RIMKLB: variants seen among roughly 807,000 people sequenced by gnomAD.
RIMKLB encodes the protein beta-citrylglutamate synthase B.
RIMKLB carries 7 observed loss-of-function variants against 32.0 expected under a neutral mutation model. The ratio of observed to expected loss-of-function variants is 0.22; its 90% confidence interval spans 0.12 to 0.41. The LOEUF (loss-of-function observed/expected upper bound fraction) is 0.41. Among genes scored for constraint, RIMKLB ranks in the 10% least tolerant of loss-of-function variants. The pLI is 1.00. For missense variants in RIMKLB, 289 were observed against 498.7 expected (o/e 0.58, Z 4.00); for synonymous variants, 172 against 185.1 (o/e 0.93, Z 0.57).
chr12:8,752,132 A>G (rs779550152), intron 4 of RIMKLB, 89 bp downstream of exon 4: 2 of 827,778 alleles, frequency 2.4e-6, no homozygotes, highest in East Asian at 2.5e-5. Context: ...TTAGAGGGAA[A>G]TTGTTAGATG....
chr12:8,751,183 AAAG>A (rs1369683117), intron 3 of RIMKLB, among the ~76,000 whole-genome samples: 1 of 152,216 alleles, frequency 6.6e-6, no homozygotes, highest in Non-Finnish European at 1.5e-5. Flanking sequence ...ATGAGAATGG[AAAG>A]AAGGAAAAAA....
chr12:8,669,163 C>T, the RIMKLB span, among the ~76,000 whole-genome samples: 2 of 151,986 alleles, frequency 1.3e-5, no homozygotes, highest in African/African-American at 2.4e-5. Flanking sequence ...CAGGGTTCGT[C>T]CACTCATGGA....
chr12:8,689,033 G>A (rs763975187), intron 1 of RIMKLB, among the ~76,000 whole-genome samples: 2 of 152,050 alleles, frequency 1.3e-5, no homozygotes, highest in African/African-American at 4.8e-5. Flanking sequence ...ACAGGGTTTC[G>A]CCATGTTGGC....
At chr12:8,767,003 G>C (rs1950025945) in intron 5 of RIMKLB, among the ~76,000 whole-genome samples, 1 of 152,246 alleles carries the variant, frequency 6.6e-6, no homozygotes, top group Admixed American at 6.5e-5. Flanking sequence ...CCATCCATGG[G>C]TCACTGGGTG....
At chr12:8,749,783 A>G in intron 2 of RIMKLB, 79 bp from the exon 3 acceptor site, 1 of 902,588 alleles carries the variant, frequency 1.1e-6, no homozygotes, top group South Asian at 1.7e-5. Context: ...TTGTGATCCA[A>G]ACTTTGGCGT....
intron 2 of RIMKLB, among the ~76,000 whole-genome samples, chr12:8,729,890 G>T (rs1946384405): frequency 6.6e-6 from 1 of 152,090 alleles, no homozygotes; most frequent in Non-Finnish European, 1.5e-5. Context: ...CATCCTAATG[G>T]GTTATCCCAT....
intron 1 of RIMKLB, among the ~76,000 whole-genome samples, chr12:8,701,708 T>G (rs1165286012): frequency 6.6e-6 from 1 of 151,532 alleles, no homozygotes; most frequent in Non-Finnish European, 1.5e-5. Context: ...GATAGCTACA[T>G]TTAGATTTTA....
Position 8,776,368 on chromosome 12 carries a change from A to C in RIMKLB, c.*2584A>C, listed in dbSNP as rs763568486. On this transcript the variant is annotated 3_prime_UTR_variant, in exon 6 of 6. Transcript: ENST00000535829. Reference sequence around the variant, plus strand: ...AAGATTGAGGTAGAGAATAAGAGCAAATCATTCTGGAAGTACCTTAAGGAA... The same window carrying C: ...AAGATTGAGGTAGAGAATAAGAGCACATCATTCTGGAAGTACCTTAAGGAA... The C allele has an allele frequency of 5.6e-5, 55 of 983,536 alleles. No individual in the cohort carries two copies. Among genetic ancestry groups the C allele is most frequent in the Non-Finnish European group, 6.4e-5 (53 of 828,272 alleles). The allele number at this position is 983,536 out of a possible 1,614,324, so 60.9% of individuals were successfully genotyped here.
In RIMKLB at chr12:8,747,357, T is replaced by C. The variant is rs991693122; in HGVS notation, c.176-2505T>C. 1.1e-4 allele frequency among the ~76,000 whole-genome samples: 16 copies of C among 152,344 alleles called. No homozygotes were observed. In the South Asian group the frequency reaches 2.9e-3, roughly 28 times the overall value. ...GTTAACATTTTTGCCCCGTGATTTA[T>C]GCTCTGCCTTACATTTGAATTGTCC... On this transcript the variant is annotated intron_variant, in intron 2 of 5. Coordinates refer to ENST00000535829, the MANE Select transcript of RIMKLB (RefSeq NM_001297776.2).
intron 1 of RIMKLB, among the ~76,000 whole-genome samples, chr12:8,698,536 C>G (rs1475344804): frequency 6.6e-6 from 1 of 152,082 alleles, no homozygotes; most frequent in Non-Finnish European, 1.5e-5. Flanking sequence ...AGGCGCCGGC[C>G]CGTGGCGTGT....
At chr12:8,705,623 G>T (rs1185277584) in intron 1 of RIMKLB, among the ~76,000 whole-genome samples, 1 of 152,192 alleles carries the variant, frequency 6.6e-6, no homozygotes, top group Non-Finnish European at 1.5e-5. Context: ...AGGTATATCA[G>T]TCAGGGTTCT....
chr12:8,777,493 G>T (rs1950805852), downstream of RIMKLB: 2 of 1,125,234 alleles, frequency 1.8e-6, no homozygotes, highest in Non-Finnish European at 2.2e-6. Flanking sequence ...CTATATTAAT[G>T]AAAGTTTGGC....
intron 1 of RIMKLB, among the ~76,000 whole-genome samples, chr12:8,688,719 T>C (rs1035355317): frequency 6.6e-6 from 1 of 152,214 alleles, no homozygotes; most frequent in Admixed American, 6.5e-5. Context: ...TTGTTGTTGT[T>C]AAAGGAGGGC....
chr12:8,678,093 C>T (rs1942354727), upstream of RIMKLB, among the ~76,000 whole-genome samples: 1 of 151,108 alleles, frequency 6.6e-6, no homozygotes, highest in African/African-American at 2.4e-5. Flanking sequence ...CCCAGCCTTG[C>T]CCCTTGTTTT....
At chr12:8,733,964 C>T (rs944707882) in intron 2 of RIMKLB, among the ~76,000 whole-genome samples, 4 of 152,164 alleles carry the variant, frequency 2.6e-5, no homozygotes, top group Non-Finnish European at 5.9e-5. Flanking sequence ...TATATATTGA[C>T]ACTTTGAAAG....
intron 5 of RIMKLB, among the ~76,000 whole-genome samples, chr12:8,764,178 G>T (rs916196387): frequency 6.6e-6 from 1 of 152,118 alleles, no homozygotes; most frequent in African/African-American, 2.4e-5. Context: ...TGGAGTCCTT[G>T]TTGGGCCTCG....
At position 8,775,447 on chromosome 12, in the gene RIMKLB, G is replaced by A. The variant is rs1402223727; in HGVS notation, c.*1663G>A. On this transcript the variant is annotated 3_prime_UTR_variant, in exon 6 of 6. Coordinates refer to ENST00000535829, the MANE Select transcript of RIMKLB (RefSeq NM_001297776.2). ...AAATGGAGATGCTGCAGAGCCCAAC[G>A]TAATTTTTTAAACAGCAAGTTTTCC... 4.1e-6 allele frequency: 4 copies of A among 985,498 alleles called. No homozygotes were observed. Among genetic ancestry groups the A allele is most frequent in the South Asian group, 4.7e-5 (1 of 21,288 alleles). The allele number at this position is 985,498 out of a possible 1,614,324, so 61.0% of individuals were successfully genotyped here.
rs760952167 is a variant in RIMKLB at position 8,767,374 on chromosome 12, C to G, written c.698-5947C>G. 2.6e-5 allele frequency among the ~76,000 whole-genome samples: 4 copies of G among 151,982 alleles called. No homozygotes were observed. In the South Asian group the frequency reaches 6.3e-4, roughly 24 times the overall value. ...TGGGAGAGACACCAGGGACAAGACT[C>G]TCTGGCTTCGTAGCCTAGGGGCCTA... On this transcript the variant is annotated intron_variant, in intron 5 of 5. Coordinates refer to ENST00000535829, the MANE Select transcript of RIMKLB (RefSeq NM_001297776.2).
At chr12:8,685,104 C>T (rs1942532084) in intron 1 of RIMKLB, among the ~76,000 whole-genome samples, 2 of 152,204 alleles carry the variant, frequency 1.3e-5, no homozygotes, top group South Asian at 4.1e-4. Context: ...AGTTTTATTT[C>T]TTCCTTCTCA....
Sources: allele counts gnomAD v4.1 joint callset (sites outside exome capture counted in the v4.1 genomes callset), GRCh38; gene constraint gnomAD v4.1.1; transcripts MANE v1.5; gene names NCBI Gene and HGNC (gene_info 2026-07-23, HGNC 2026-07-21).